ITGA11: variants seen among roughly 807,000 people sequenced by gnomAD.
ITGA11 encodes the protein integrin alpha-11.
A neutral mutation model predicts 141.9 loss-of-function variants in ITGA11; 97 were observed. The observed-to-expected ratio is 0.68, with a 90% CI of 0.58 to 0.81. The LOEUF is 0.81. Among genes scored for constraint, ITGA11 ranks in the 30% least tolerant of loss-of-function variants. The pLI, the probability that ITGA11 is intolerant of heterozygous loss-of-function variation, is 0.00. For synonymous variants in ITGA11, 658 were observed against 624.6 expected (o/e 1.05, Z -0.80); for missense variants, 1,387 against 1,559.2 (o/e 0.89, Z 1.86).
At position 68,328,714 on chromosome 15, in the gene ITGA11, C is replaced by T. The variant is rs921842922; in HGVS notation, c.1902-452G>A. On this transcript the variant is annotated intron_variant, in intron 15 of 29. Coordinates refer to ENST00000315757, the MANE Select transcript of ITGA11 (RefSeq NM_001004439.2). The surrounding 1 kb of genome is among the most constrained non-coding windows in gnomAD (Gnocchi z 4.8). ...TTTAAAGCAGTGCCTCTGAAATTTT[C>T]ATATGTGTGCACGCCCCCTGGGGAT... 6.6e-6 allele frequency among the ~76,000 whole-genome samples: 1 copy of T among 152,204 alleles called. No homozygotes were observed. The highest frequency in any genetic ancestry group is 2.4e-5 in the African/African-American group (1 of 41,444).
chr15:68,335,675 C>A lies in ITGA11; in HGVS notation c.1425+22G>T. On this transcript the variant is annotated intron_variant, in intron 12 of 29. Transcript: ENST00000315757. The surrounding 1 kb of genome is among the most constrained non-coding windows in gnomAD (Gnocchi z 4.9). Reference sequence around the variant, plus strand: ...CTGCCCCCTCTTCCCTCCATCCCGGCCCCAGGCTCCCCCTCCATTACCTGC... The same window carrying A: ...CTGCCCCCTCTTCCCTCCATCCCGGACCCAGGCTCCCCCTCCATTACCTGC... 6.2e-7 allele frequency: 1 copy of A among 1,612,062 alleles called. No homozygotes were observed. The highest frequency in any genetic ancestry group is 8.5e-7 in the Non-Finnish European group (1 of 1,179,026).
At chr15:68,364,647 A>AC in intron 4 of ITGA11, 60 bp downstream of exon 4, 21 of 904,792 alleles carry the variant, frequency 2.3e-5, no homozygotes, top group East Asian at 5.1e-5. Context: ...GAGACGCTCC[A>AC]CCCCTCCCCA....
At chr15:68,371,383 T>C (rs1437737126) in intron 2 of ITGA11, among the ~76,000 whole-genome samples, 2 of 152,122 alleles carry the variant, frequency 1.3e-5, no homozygotes, top group African/African-American at 4.8e-5. Flanking sequence ...TCAGGGTGCC[T>C]CTGGGAGAAT....
intron 2 of ITGA11, among the ~76,000 whole-genome samples, chr15:68,396,738 A>G (rs1300604964): frequency 2.0e-5 from 3 of 150,060 alleles, no homozygotes; most frequent in African/African-American, 7.3e-5. Context: ...GATGTATTGT[A>G]AATATACAAA....
At chr15:68,314,904 A>C (rs1318311738) in intron 22 of ITGA11, among the ~76,000 whole-genome samples, 1 of 152,166 alleles carries the variant, frequency 6.6e-6, no homozygotes, top group Non-Finnish European at 1.5e-5. Context: ...TTCTTAGCTA[A>C]GGATTTTTGC....
intron 10 of ITGA11, among the ~76,000 whole-genome samples, chr15:68,344,659 G>A (rs1040716959): frequency 6.6e-6 from 1 of 151,966 alleles, no homozygotes; most frequent in African/African-American, 2.4e-5. Flanking sequence ...TAATTGATGC[G>A]CATGGGTGAT....
intron 2 of ITGA11, among the ~76,000 whole-genome samples, chr15:68,389,790 C>T (rs541242125): frequency 2.0e-4 from 31 of 152,208 alleles, no homozygotes; most frequent in African/African-American, 1.2e-4. Flanking sequence ...AGAGCTGAGG[C>T]TTCTCTTCTC....
intron 2 of ITGA11, among the ~76,000 whole-genome samples, chr15:68,375,929 G>A (rs757046274): frequency 1.5e-4 from 23 of 152,094 alleles, no homozygotes; most frequent in Non-Finnish European, 2.2e-4. Context: ...CCAATCAGTC[G>A]AAGGGCAGAA....
rs1256427734 is a variant in ITGA11 at position 68,351,393 on chromosome 15, A to G, written c.759T>C (p.Ala253=). Residue 253 remains alanine (A), a synonymous_variant, in exon 8 of 30, where the codon GCT becomes GCC. Transcript: ENST00000315757. ...CTCCTTTCCTTCCACCCTTCTGGAA[A>G]GCCTCTGAGCTGGAAGCCAAGCACA... ...AFGIEFARSE[A]FQKGGRKGAK... is the part of the protein sequence containing the mutation. 6.2e-7 allele frequency: 1 copy of G among 1,613,874 alleles called. No homozygotes were observed. Among genetic ancestry groups the G allele is most frequent in the African/African-American group, 1.3e-5 (1 of 75,034 alleles).
At chr15:68,310,935 G>A (rs1595851053) in intron 26 of ITGA11, 59 bp downstream of exon 26, 2 of 1,321,024 alleles carry the variant, frequency 1.5e-6, no homozygotes, top group Non-Finnish European at 2.1e-6. Context: ...GGCCCGCAGA[G>A]CACCGGCGGC....
chr15:68,362,735 A>G (rs1895285679), intron 4 of ITGA11, among the ~76,000 whole-genome samples: 2 of 152,138 alleles, frequency 1.3e-5, no homozygotes, highest in Admixed American at 1.3e-4. Flanking sequence ...TGAATGGATA[A>G]TGGATGGATG....
At chr15:68,337,970 A>G (rs1450423254) in intron 11 of ITGA11, among the ~76,000 whole-genome samples, 2 of 152,156 alleles carry the variant, frequency 1.3e-5, no homozygotes, top group Non-Finnish European at 2.9e-5. Flanking sequence ...GCTCCTACAC[A>G]GTAGGTCCCG....
intron 7 of ITGA11, among the ~76,000 whole-genome samples, chr15:68,352,153 T>A (rs1894934913): frequency 1.3e-5 from 2 of 150,674 alleles, no homozygotes; most frequent in African/African-American, 4.9e-5. Flanking sequence ...GCCAGACCCC[T>A]GAAATTGGAA....
At chr15:68,315,395 A>G (rs1413402534) in intron 22 of ITGA11, among the ~76,000 whole-genome samples, 1 of 152,240 alleles carries the variant, frequency 6.6e-6, no homozygotes, top group Admixed American at 6.5e-5. Flanking sequence ...GGGCTGTCTA[A>G]AAGTAAAGGG....
At chr15:68,323,283 G>A (rs1893868250) in intron 18 of ITGA11, among the ~76,000 whole-genome samples, 1 of 152,150 alleles carries the variant, frequency 6.6e-6, no homozygotes, top group African/African-American at 2.4e-5. Flanking sequence ...CGGCATTCTA[G>A]CACCAAAGTT....
chr15:68,394,983 G>A (rs941117995), intron 2 of ITGA11, among the ~76,000 whole-genome samples: 5 of 152,162 alleles, frequency 3.3e-5, no homozygotes, highest in Admixed American at 3.3e-4. Context: ...GCAGAAGACG[G>A]GTGATTTCTG....
chr15:68,358,824 A>G (rs1418559380), intron 5 of ITGA11, among the ~76,000 whole-genome samples: 1 of 152,218 alleles, frequency 6.6e-6, no homozygotes, highest in East Asian at 1.9e-4. Context: ...AAGCCTGATC[A>G]CTTCTATTCC....
At chr15:68,319,520 G>C (rs924456773) in intron 20 of ITGA11, among the ~76,000 whole-genome samples, 7 of 152,228 alleles carry the variant, frequency 4.6e-5, no homozygotes, top group Non-Finnish European at 7.3e-5. Flanking sequence ...GAAGTGGCAG[G>C]AGGTGGGTGA....
chr15:68,369,302 A>T lies in ITGA11; in HGVS notation c.165-18T>A. On this transcript the variant is annotated intron_variant, in intron 2 of 29. Transcript: ENST00000315757. ...CGACCAGCCTGGGAAGGAAGAGAAG[A>T]TGAGCAAAGACATTGGGGGAGGTAC... The T allele has an allele frequency of 6.5e-7, 1 of 1,539,456 alleles. No homozygotes were observed. Among genetic ancestry groups the T allele is most frequent in the Non-Finnish European group, 8.9e-7 (1 of 1,129,620 alleles).
Sources: gnomAD v4.1 joint callset for allele counts (sites outside exome capture counted in the v4.1 genomes callset) on GRCh38, gnomAD v4.1.1 for gene constraint, Gnocchi (gnomAD v3.1) non-coding constraint, MANE v1.5 for transcripts, NCBI Gene and HGNC (gene_info 2026-07-23, HGNC 2026-07-21) for gene names.